The following CACNA1C variants were observed in gnomAD, a reference collection of about 807,000 sequenced individuals.
CACNA1C encodes voltage-dependent L-type calcium channel subunit alpha-1C.
Under a neutral mutation model 229.0 loss-of-function variants are expected in CACNA1C, and 30 were observed. That is an observed-to-expected ratio of 0.13 (90% CI 0.10 to 0.18). CACNA1C has a LOEUF of 0.18. CACNA1C is among the 10% of genes least tolerant of loss of function. CACNA1C has a pLI of 1.00. For synonymous variants in CACNA1C, 1,114 were observed against 1,132.5 expected, an observed-to-expected ratio of 0.98 and a Z score of 0.33; for missense variants, 1,658 against 2,845.0, an observed-to-expected ratio of 0.58 and a Z score of 9.49.
chr12:2,329,145 A>G (rs1270558751), intron 3 of CACNA1C, among the ~76,000 whole-genome samples: 1 of 152,166 alleles, frequency 6.6e-6, no homozygotes, highest in Non-Finnish European at 1.5e-5. Context: ...TTGGCCACCT[A>G]CTGAGTCTAC....
At chr12:2,505,198 T>A (rs2099768898) in intron 8 of CACNA1C, among the ~76,000 whole-genome samples, 1 of 152,026 alleles carries the variant, frequency 6.6e-6, no homozygotes, top group Non-Finnish European at 1.5e-5. Context: ...CAGCCTCAAG[T>A]AGCTGTCCAG....
At chr12:1,992,119 G>A (rs1402288805) in intron 1 of CACNA1C, 5 of 288,822 alleles carry the variant, frequency 1.7e-5, no homozygotes, top group Non-Finnish European at 2.2e-5. Context: ...AATTGATAAA[G>A]TGTACCTTTC....
At chr12:2,166,620 A>C (rs1481661467) in intron 3 of CACNA1C, among the ~76,000 whole-genome samples, 1 of 152,182 alleles carries the variant, frequency 6.6e-6, no homozygotes, top group Non-Finnish European at 1.5e-5. Flanking sequence ...TCATATGTAA[A>C]ATGGCAGCAA....
At chr12:2,491,932 G>A (rs948678940) in intron 6 of CACNA1C, among the ~76,000 whole-genome samples, 3 of 150,834 alleles carry the variant, frequency 2.0e-5, no homozygotes, top group Non-Finnish European at 1.5e-5. Context: ...TGGGTTATCT[G>A]TTGTCTCTAA....
chr12:2,022,274 A>G (rs1044928404), intron 1 of CACNA1C, among the ~76,000 whole-genome samples: 1 of 152,184 alleles, frequency 6.6e-6, no homozygotes, highest in African/African-American at 2.4e-5. Context: ...GGCTCTGGCC[A>G]CCTGAGTTCA....
intron 3 of CACNA1C, among the ~76,000 whole-genome samples, chr12:2,258,577 C>A (rs186704552): frequency 2.0e-5 from 3 of 152,166 alleles, no homozygotes; most frequent in African/African-American, 7.2e-5. Context: ...ACCAATTTTC[C>A]GAGCCCATAA....
At chr12:2,088,615 T>G (rs1595516969) in intron 1 of CACNA1C, among the ~76,000 whole-genome samples, 1 of 152,174 alleles carries the variant, frequency 6.6e-6, no homozygotes, top group Non-Finnish European at 1.5e-5. Context: ...TAACTCTTAT[T>G]TTTAAACAGG....
intron 1 of CACNA1C, among the ~76,000 whole-genome samples, chr12:2,006,839 G>C (rs181117513): frequency 6.6e-6 from 1 of 152,152 alleles, no homozygotes; most frequent in Non-Finnish European, 1.5e-5. Context: ...ATATTAACTA[G>C]AATAAATGTT....
intron 3 of CACNA1C, among the ~76,000 whole-genome samples, chr12:2,123,101 G>A (rs2087706971): frequency 6.6e-6 from 1 of 152,244 alleles, no homozygotes. Flanking sequence ...TCTGGGCCGG[G>A]CGCAGTGGCC....
At chr12:2,674,418 A>C (rs1400069919) in intron 38 of CACNA1C, 123 bp from the exon 39 acceptor site, 2 of 1,371,338 alleles carry the variant, frequency 1.5e-6, no homozygotes, top group East Asian at 5.4e-5. Flanking sequence ...GCAAGCAAGA[A>C]AGAAACTGAT....
At chr12:1,997,061 T>C (rs2041100784) in intron 1 of CACNA1C, among the ~76,000 whole-genome samples, 1 of 152,212 alleles carries the variant, frequency 6.6e-6, no homozygotes, top group Admixed American at 6.5e-5. Flanking sequence ...ATATACATAA[T>C]GTATGTCTCT....
At chr12:2,006,015 C>T (rs1399260357) in intron 1 of CACNA1C, among the ~76,000 whole-genome samples, 1 of 152,220 alleles carries the variant, frequency 6.6e-6, no homozygotes, top group Non-Finnish European at 1.5e-5. Flanking sequence ...ACAAAACACA[C>T]ATAGCCCGGG....
chr12:2,227,046 C>A (rs1376670110), intron 3 of CACNA1C, among the ~76,000 whole-genome samples: 3 of 152,148 alleles, frequency 2.0e-5, no homozygotes, highest in African/African-American at 4.8e-5. Context: ...CAGTCCTCAC[C>A]AAGAACTCCC....
At chr12:2,525,026 T>C (rs2099816259) in intron 9 of CACNA1C, among the ~76,000 whole-genome samples, 1 of 151,938 alleles carries the variant, frequency 6.6e-6, no homozygotes, top group African/African-American at 2.4e-5. Flanking sequence ...GGAAATGGAA[T>C]TGCACATGTT....
At chr12:2,168,118 T>C (rs189647494) in intron 3 of CACNA1C, among the ~76,000 whole-genome samples, 1 of 152,278 alleles carries the variant, frequency 6.6e-6, no homozygotes, top group Admixed American at 6.5e-5. Flanking sequence ...CATGGAAATA[T>C]GCACAGCTTA....
chr12:2,097,177 G>C (rs919657809), intron 1 of CACNA1C, among the ~76,000 whole-genome samples: 3 of 151,930 alleles, frequency 2.0e-5, no homozygotes, highest in Non-Finnish European at 4.4e-5. Flanking sequence ...ATGGAGTCTT[G>C]CTCTGTCACC....
chr12:2,617,853 T>A (rs2532615), intron 29 of CACNA1C, among the ~76,000 whole-genome samples: 132,413 of 152,010 alleles, frequency 0.87, 60,129 homozygotes, highest in Non-Finnish European at 0.99. Context: ...ATGGGGAAGT[T>A]CACTTGCTTC....
In CACNA1C at chr12:2,677,554, T is replaced by A. The variant is rs1349371931; in HGVS notation, c.4957-179T>A. 2.8e-6 allele frequency: 2 copies of A among 706,382 alleles called. No individual in the cohort carries two copies. Among genetic ancestry groups the A allele is most frequent in the Non-Finnish European group, 4.7e-6 (2 of 422,086 alleles). 43.8% of individuals were successfully genotyped at this position (706,382 alleles called of 1,614,324 possible). On this transcript the variant is annotated intron_variant, in intron 40 of 46. Coordinates refer to ENST00000399655, the MANE Select transcript of CACNA1C (RefSeq NM_000719.7). The surrounding 1 kb of genome is among the most constrained non-coding windows in gnomAD (Gnocchi z 7.4). ...CCCTCCTGGATGGGCGAGTGGATTG[T>A]TCCATCAGAGGGCAGCCCAGCCCCC... is the stretch of plus-strand genomic sequence containing the variant.
chr12:2,291,430 T>G (rs2093493025), intron 3 of CACNA1C, among the ~76,000 whole-genome samples: 1 of 152,184 alleles, frequency 6.6e-6, no homozygotes. Flanking sequence ...TCGACTGCTC[T>G]TTGGTGAGCA....
Sources: allele counts gnomAD v4.1 joint callset (sites outside exome capture counted in the v4.1 genomes callset), GRCh38; gene constraint gnomAD v4.1.1; non-coding constraint Gnocchi (gnomAD v3.1); transcripts MANE v1.5; gene names NCBI Gene and HGNC (gene_info 2026-07-23, HGNC 2026-07-21).